Variants in OLA1 observed in about 807,000 individuals in gnomAD.
The protein encoded by OLA1 is Obg like ATPase 1, also known as obg-like ATPase 1.
Under a neutral mutation model 48.4 loss-of-function variants are expected in OLA1, and 14 were observed. The ratio of observed to expected loss-of-function variants is 0.29; its 90% confidence interval spans 0.19 to 0.45. The LOEUF (loss-of-function observed/expected upper bound fraction) is 0.45, where lower values mean the gene tolerates loss of function less well. Among genes scored for constraint, OLA1 ranks in the 20% least tolerant of loss-of-function variants. The probability of loss-of-function intolerance (pLI) is 1.00; values close to 1 mark genes in which losing one functional copy is unlikely to be tolerated. For missense variants in OLA1, 325 were observed against 467.1 expected, an observed-to-expected ratio of 0.70 and a Z score of 2.80; for synonymous variants, 127 against 150.4, an observed-to-expected ratio of 0.84 and a Z score of 1.14.
chr2:174,158,558 G>A (rs1415937472), intron 4 of OLA1, among the ~76,000 whole-genome samples: 2 of 152,016 alleles, frequency 1.3e-5, no homozygotes, highest in African/African-American at 4.8e-5. Flanking sequence ...TGTACAAAAA[G>A]TTCTGACATC....
intron 7 of OLA1, among the ~76,000 whole-genome samples, chr2:174,090,784 T>C (rs1222671296): frequency 2.0e-5 from 3 of 152,190 alleles, no homozygotes; most frequent in Non-Finnish European, 4.4e-5. Flanking sequence ...ATTATAATAT[T>C]TGTAGCTGAA....
intron 5 of OLA1, among the ~76,000 whole-genome samples, chr2:174,124,615 A>G (rs1686005102): frequency 1.3e-5 from 2 of 152,214 alleles, no homozygotes; most frequent in African/African-American, 4.8e-5. Context: ...TAGCTCTTCC[A>G]GAAGAAGTGC....
At chr2:174,165,112 ACT>A (rs1430107884) in intron 4 of OLA1, among the ~76,000 whole-genome samples, 1 of 152,210 alleles carries the variant, frequency 6.6e-6, no homozygotes. Flanking sequence ...CTTCTCAGTA[ACT>A]GCAAGCCAAT....
In OLA1 at chr2:174,073,073, C is replaced by A. The variant is rs1048435264; in HGVS notation, c.*2353G>T. The A allele has an allele frequency of 6.6e-6, 1 of 152,250 alleles. No individual in the cohort carries two copies. Among genetic ancestry groups the A allele is most frequent in the Non-Finnish European group, 1.5e-5 (1 of 68,108 alleles). The allele number at this position is 152,250 out of a possible 1,614,324, so 9.4% of individuals were successfully genotyped here. ...CATGGCTCACAGTAGCCTCCACCTC[C>A]CAGGCTCAAGCGATCGATCAATCCT... On this transcript the variant is annotated 3_prime_UTR_variant, in exon 11 of 11. Coordinates refer to ENST00000284719, the MANE Select transcript of OLA1 (RefSeq NM_013341.5).
chr2:174,192,777 GT>G (rs1687801200), intron 4 of OLA1, among the ~76,000 whole-genome samples: 1 of 152,074 alleles, frequency 6.6e-6, no homozygotes, highest in Non-Finnish European at 1.5e-5. Flanking sequence ...TCTGGGCTGA[GT>G]TTTTTTCTTT....
intron 2 of OLA1, among the ~76,000 whole-genome samples, chr2:174,231,410 C>T (rs914762283): frequency 3.3e-5 from 5 of 152,106 alleles, no homozygotes; most frequent in Non-Finnish European, 1.5e-5. Flanking sequence ...TTTTCGTATA[C>T]TGTAGTTTAA....
At chr2:174,145,029 A>T (rs1686561412) in intron 4 of OLA1, among the ~76,000 whole-genome samples, 1 of 143,216 alleles carries the variant, frequency 7.0e-6, no homozygotes, top group Admixed American at 7.1e-5. Context: ...TTTGCTGATC[A>T]TAGAATCTTA....
intron 7 of OLA1, among the ~76,000 whole-genome samples, chr2:174,082,289 T>C (rs1684873097): frequency 1.3e-5 from 2 of 152,154 alleles, no homozygotes; most frequent in Non-Finnish European, 2.9e-5. Flanking sequence ...ACATTATCTA[T>C]GGAAACTATT....
At chr2:174,082,650 G>A (rs1385420115) in intron 7 of OLA1, among the ~76,000 whole-genome samples, 2 of 152,078 alleles carry the variant, frequency 1.3e-5, no homozygotes, top group African/African-American at 2.4e-5. Flanking sequence ...GGTTGATCAC[G>A]TACGCAGCTG....
At chr2:174,240,982 T>C (rs942970284) in intron 2 of OLA1, among the ~76,000 whole-genome samples, 10 of 152,326 alleles carry the variant, frequency 6.6e-5, no homozygotes, top group African/African-American at 2.4e-4. Flanking sequence ...CCTCTCCCCA[T>C]GTCTCTGGGC....
At position 174,225,821 on chromosome 2, in the gene OLA1, T is replaced by C. The variant is rs369906998; in HGVS notation, c.246-2661A>G. Among the ~76,000 whole-genome samples, 6 of 152,308 alleles carry C rather than the reference T, an allele frequency of 3.9e-5. No individual in the cohort carries two copies. The East Asian group carries it at 9.6e-4, about 24-fold the overall frequency. On this transcript the variant is annotated intron_variant, in intron 3 of 10. Transcript: ENST00000284719. ...GTGTGACCATGAACAAATTATTTCA[T>C]CTTTCTAGGCTTCACGTTTCTTTTT...
In OLA1 at chr2:174,139,570, T is replaced by C. The variant is rs1036878347; in HGVS notation, c.549+2255A>G. Among the ~76,000 whole-genome samples, 3 of 152,174 alleles carry C rather than the reference T, an allele frequency of 2.0e-5. No homozygotes were observed. The East Asian group carries it at 5.8e-4, about 29-fold the overall frequency. On this transcript the variant is annotated intron_variant, in intron 5 of 10. Coordinates refer to ENST00000284719, the MANE Select transcript of OLA1 (RefSeq NM_013341.5). ...TTACTTCAGACAGCAAGACTCACTA[T>C]AGAAGGTGTATCTTGGCCGGGCACA... is the stretch of plus-strand genomic sequence containing the variant.
intron 5 of OLA1, among the ~76,000 whole-genome samples, chr2:174,136,715 A>C (rs1457092355): frequency 2.0e-5 from 3 of 150,560 alleles, no homozygotes; most frequent in Admixed American, 2.0e-4. Context: ...TCTGTAACCC[A>C]GGCTGTAGTG....
At chr2:174,180,662 C>T (rs1342229254) in intron 4 of OLA1, among the ~76,000 whole-genome samples, 3 of 152,184 alleles carry the variant, frequency 2.0e-5, no homozygotes, top group African/African-American at 7.2e-5. Context: ...TTGAGGAGAA[C>T]CCTTTTCTAC....
chr2:174,229,972 G>C (rs767594005), intron 2 of OLA1, among the ~76,000 whole-genome samples: 5 of 152,102 alleles, frequency 3.3e-5, no homozygotes, highest in Admixed American at 6.6e-5. Context: ...AGGATTACTG[G>C]TAAGTCTAGA....
chr2:174,114,504 A>G lies in OLA1; in HGVS notation c.728+8676T>C, dbSNP rs916970492. On this transcript the variant is annotated intron_variant, in intron 7 of 10. Coordinates refer to ENST00000284719, the MANE Select transcript of OLA1 (RefSeq NM_013341.5). The stretch of plus-strand genomic sequence containing the variant: ...TGGACATCCATATACGTTCCTGGGG[A>G]AAAATCTTTTAAAATTTCATTTAAA... 7.9e-5 allele frequency among the ~76,000 whole-genome samples: 12 copies of G among 152,264 alleles called. No individual in the cohort carries two copies. The East Asian group carries it at 1.2e-3, about 15-fold the overall frequency.
At chr2:174,108,547 A>G (rs1685566825) in intron 7 of OLA1, among the ~76,000 whole-genome samples, 2 of 152,154 alleles carry the variant, frequency 1.3e-5, no homozygotes, top group African/African-American at 4.8e-5. Flanking sequence ...ACACCAAACC[A>G]CTGTAAACCT....
rs149691721 is a variant in OLA1 at position 174,132,394 on chromosome 2, T to A, written c.550-8719A>T. Among the ~76,000 whole-genome samples, 182 of 152,230 alleles carry A rather than the reference T, an allele frequency of 1.2e-3. 1 individual carries two copies. Among genetic ancestry groups the A allele is most frequent in the Middle Eastern group, 3.4e-3 (1 of 294 alleles). ...TTTCCCTTTATCTAATTTCTCTGGG[T>A]TCCTTTTATTGTTCTTTTTCTAACT... On this transcript the variant is annotated intron_variant, in intron 5 of 10. Transcript: ENST00000284719.
intron 7 of OLA1, among the ~76,000 whole-genome samples, chr2:174,089,700 G>C (rs1685061818): frequency 6.6e-6 from 1 of 151,850 alleles, no homozygotes; most frequent in Non-Finnish European, 1.5e-5. Context: ...TCATGAGTTC[G>C]AGACCAGCCT....
Sources: allele counts gnomAD v4.1 joint callset (sites outside exome capture counted in the v4.1 genomes callset), GRCh38; gene constraint gnomAD v4.1.1; transcripts MANE v1.5; gene names NCBI Gene and HGNC (gene_info 2026-07-23, HGNC 2026-07-21).